The following AGBL1 variants were observed in gnomAD, a reference collection of about 807,000 sequenced individuals.
The protein encoded by AGBL1 is AGBL carboxypeptidase 1.
AGBL1 carries 130 observed loss-of-function variants against 118.9 expected under a neutral mutation model. The observed-to-expected ratio is 1.09, with a 90% CI of 0.95 to 1.26. The LOEUF is 1.26. AGBL1 is among the 50% of genes most tolerant of loss of function. The pLI is 0.00. For missense variants in AGBL1, 1,584 were observed against 1,298.1 expected (o/e 1.22, Z -3.38); for synonymous variants, 555 against 478.9 (o/e 1.16, Z -2.08).
intron 9 of AGBL1, among the ~76,000 whole-genome samples, chr15:86,260,947 G>T (rs1364573398): frequency 2.0e-5 from 3 of 152,182 alleles, no homozygotes; most frequent in African/African-American, 7.2e-5. Flanking sequence ...CTGAGTGCCT[G>T]GTTCTCAGAG....
At chr15:86,080,593 G>A (rs1478685577) in intron 1 of AGBL1, among the ~76,000 whole-genome samples, 1 of 152,158 alleles carries the variant, frequency 6.6e-6, no homozygotes, top group Non-Finnish European at 1.5e-5. Flanking sequence ...TCTCCCTGGG[G>A]GATGCTATTC....
rs557053196 is a variant in AGBL1, at chr15:86,995,499, C to T, written c.3323+7411C>T. Among the ~76,000 whole-genome samples the T allele has an allele frequency of 2.0e-5, 3 of 152,262 alleles. No individual in the cohort carries two copies. In the South Asian group the frequency reaches 6.2e-4, roughly 32 times the overall value. On this transcript the variant is annotated intron_variant, in intron 24 of 24. Coordinates refer to the AGBL1 transcript ENST00000441037. ...CAATCAAATAGATACAATTCTATGCCAGTGAAACTTCTGGGGCGAAAGTCT... is the reference window on the plus strand; with the variant it reads ...CAATCAAATAGATACAATTCTATGCTAGTGAAACTTCTGGGGCGAAAGTCT...
At chr15:86,895,742 G>A (rs933679946) in intron 22 of AGBL1, among the ~76,000 whole-genome samples, 2 of 151,842 alleles carry the variant, frequency 1.3e-5, no homozygotes, top group African/African-American at 4.8e-5. Flanking sequence ...CTTTCACCTA[G>A]TTTCCCTTAT....
At chr15:86,537,706 G>A (rs1245491094) in intron 19 of AGBL1, among the ~76,000 whole-genome samples, 1 of 152,208 alleles carries the variant, frequency 6.6e-6, no homozygotes, top group African/African-American at 2.4e-5. Context: ...ACTGATTAGA[G>A]TTTGAGATAT....
intron 21 of AGBL1, among the ~76,000 whole-genome samples, chr15:86,612,286 G>T (rs980929667): frequency 3.9e-5 from 6 of 152,060 alleles, no homozygotes; most frequent in African/African-American, 1.4e-4. Flanking sequence ...AAATATGCTA[G>T]CCACTTTTGC....
chr15:86,105,766 C>G (rs1897019374), intron 1 of AGBL1, among the ~76,000 whole-genome samples: 1 of 152,212 alleles, frequency 6.6e-6, no homozygotes, highest in African/African-American at 2.4e-5. Context: ...CTTCTATTCT[C>G]TTCTAGGCCA....
rs1040755042 is a variant in AGBL1 at position 86,239,326 on chromosome 15, A to T, written c.527-8345A>T. Among the ~76,000 whole-genome samples, 10 of 152,262 alleles carry T rather than the reference A, an allele frequency of 6.6e-5. No individual in the cohort carries two copies. In the East Asian group the frequency reaches 1.5e-3, roughly 23 times the overall value. Reference sequence around the variant, plus strand: ...GTATCTATTTTACAAAGAGAAAAAAAGTACCCGAAAGCTAATTCAAAACCA... The same window carrying T: ...GTATCTATTTTACAAAGAGAAAAAATGTACCCGAAAGCTAATTCAAAACCA... On this transcript the variant is annotated intron_variant, in intron 6 of 22. Coordinates refer to ENST00000614907, the MANE Select transcript of AGBL1 (RefSeq NM_001386094.1).
intron 1 of AGBL1, among the ~76,000 whole-genome samples, chr15:86,101,517 T>C (rs1896716939): frequency 6.6e-6 from 1 of 152,162 alleles, no homozygotes; most frequent in African/African-American, 2.4e-5. Flanking sequence ...TCTTTTATAT[T>C]TGATACTATT....
At chr15:87,009,955 G>C (rs207475655) in intron 24 of AGBL1, among the ~76,000 whole-genome samples, 1 of 152,314 alleles carries the variant, frequency 6.6e-6, no homozygotes, top group Non-Finnish European at 1.5e-5. Context: ...ATGCAGAAGG[G>C]ACTTGCCTTG....
chr15:86,662,050 C>G (rs953407265), intron 21 of AGBL1, among the ~76,000 whole-genome samples: 1 of 152,198 alleles, frequency 6.6e-6, no homozygotes, highest in African/African-American at 2.4e-5. Flanking sequence ...AATATCACTT[C>G]TGAATACTTG....
chr15:86,225,597 G>A (rs1322424102), intron 6 of AGBL1, among the ~76,000 whole-genome samples: 1 of 152,128 alleles, frequency 6.6e-6, no homozygotes, highest in Non-Finnish European at 1.5e-5. Flanking sequence ...TAATTACGTT[G>A]GGAGTCAATT....
chr15:86,644,253 A>G (rs1049763401), intron 21 of AGBL1, among the ~76,000 whole-genome samples: 5 of 152,160 alleles, frequency 3.3e-5, no homozygotes, highest in Non-Finnish European at 7.4e-5. Context: ...TTGCTTGATT[A>G]AACAGTTGGT....
Position 86,987,921 on chromosome 15 carries a change from T to C in AGBL1, c.3222-66T>C, listed in dbSNP as rs1378756495. The C allele has an allele frequency of 7.1e-6, 11 of 1,555,748 alleles. No homozygotes were observed. The Admixed American group carries it at 1.9e-4, about 26-fold the overall frequency. On this transcript the variant is annotated intron_variant, in intron 23 of 24. Coordinates refer to the AGBL1 transcript ENST00000441037. The stretch of plus-strand genomic sequence containing the variant: ...ATAATATGTTTTTAAAATCCATCTA[T>C]AATAATATGTGACACTATGGTTTAT...
chr15:86,395,786 A>AT (rs113321476), intron 17 of AGBL1, among the ~76,000 whole-genome samples: 7,528 of 148,658 alleles, frequency 0.051, 366 homozygotes, highest in African/African-American at 0.14. Flanking sequence ...TTTAGGTTTT[A>AT]TTTTTTTTTT....
intron 24 of AGBL1, among the ~76,000 whole-genome samples, chr15:87,016,487 T>G (rs1433443): frequency 0.1 from 15,689 of 152,252 alleles, 1,622 homozygotes; most frequent in African/African-American, 0.27. Flanking sequence ...CTTATCTCTC[T>G]GGCCTTTATT....
chr15:86,149,075 G>T (rs148228695), intron 3 of AGBL1, among the ~76,000 whole-genome samples: 2 of 152,284 alleles, frequency 1.3e-5, no homozygotes, highest in East Asian at 3.9e-4. Context: ...ACAAGAAAAT[G>T]CTGAGAGATT....
intron 22 of AGBL1, among the ~76,000 whole-genome samples, chr15:86,756,765 G>T (rs1419791097): frequency 6.6e-6 from 1 of 151,996 alleles, no homozygotes; most frequent in Non-Finnish European, 1.5e-5. Context: ...GTCAAAAGTT[G>T]TTGAGAGGGA....
rs548497691 is a variant in AGBL1, at chr15:86,410,416, CAGA to C, written c.2555+12877_2555+12879del. ...TATAAAAAAATTCCAACAAGACAGTCAGAAGAAGACCCACTTTAGGTCAAAGTT... is the reference window on the plus strand; with the variant it reads ...TATAAAAAAATTCCAACAAGACAGTCAGAAGACCCACTTTAGGTCAAAGTT... On this transcript the variant is annotated intron_variant, in intron 18 of 22. Coordinates refer to ENST00000614907, the MANE Select transcript of AGBL1 (RefSeq NM_001386094.1). 2.6e-5 allele frequency among the ~76,000 whole-genome samples: 4 copies of C among 152,220 alleles called. No homozygotes were observed. The South Asian group carries it at 8.3e-4, about 32-fold the overall frequency.
chr15:86,740,712 G>A (rs2077665117), intron 22 of AGBL1, among the ~76,000 whole-genome samples: 1 of 152,120 alleles, frequency 6.6e-6, no homozygotes, highest in Non-Finnish European at 1.5e-5. Context: ...GTGTTGGACA[G>A]ATCAAGAAAA....
Sources: gnomAD v4.1 joint callset for allele counts (sites outside exome capture counted in the v4.1 genomes callset) on GRCh38, gnomAD v4.1.1 for gene constraint, MANE v1.5 for transcripts, NCBI Gene and HGNC (gene_info 2026-07-23, HGNC 2026-07-21) for gene names.